Variants in PIAS1 observed in about 807,000 individuals in gnomAD.
PIAS1 encodes protein inhibitor of activated STAT 1.
PIAS1 carries 6 observed loss-of-function variants against 71.3 expected under a neutral mutation model. The ratio of observed to expected loss-of-function variants is 0.08; its 90% confidence interval spans 0.05 to 0.17. The LOEUF is 0.17. Ranked by LOEUF, PIAS1 falls within the 10% of genes least tolerant of loss-of-function variation. The pLI, the probability that PIAS1 is intolerant of heterozygous loss-of-function variation, is 1.00. For missense variants in PIAS1, 555 were observed against 793.6 expected, an observed-to-expected ratio of 0.70 and a Z score of 3.61; for synonymous variants, 303 against 292.9, an observed-to-expected ratio of 1.03 and a Z score of -0.35.
At chr15:68,177,625 C>G (rs1034108958) in intron 11 of PIAS1, among the ~76,000 whole-genome samples, 7 of 152,296 alleles carry the variant, frequency 4.6e-5, no homozygotes, top group Non-Finnish European at 7.4e-5. Flanking sequence ...ATAAAACACC[C>G]TCAGCTAAGC....
At chr15:68,150,468 C>G (rs114920620) in intron 6 of PIAS1, among the ~76,000 whole-genome samples, 2 of 152,120 alleles carry the variant, frequency 1.3e-5, no homozygotes, top group South Asian at 2.1e-4. Context: ...TTTAATTCAG[C>G]TTGTGAAGAT....
At chr15:68,152,010 C>A (rs1396641037) in intron 6 of PIAS1, among the ~76,000 whole-genome samples, 1 of 114,200 alleles carries the variant, frequency 8.8e-6, no homozygotes, top group South Asian at 3.1e-4. Flanking sequence ...AGTGCAGTGG[C>A]GCCATCTTGG....
intron 1 of PIAS1, among the ~76,000 whole-genome samples, chr15:68,071,827 A>C (rs1204686413): frequency 6.6e-6 from 1 of 151,938 alleles, no homozygotes; most frequent in Non-Finnish European, 1.5e-5. Flanking sequence ...GTCAATCTGT[A>C]GTCCCAGCTA....
At chr15:68,111,953 T>C (rs912209704) in intron 2 of PIAS1, among the ~76,000 whole-genome samples, 1 of 152,312 alleles carries the variant, frequency 6.6e-6, no homozygotes. Flanking sequence ...TAGGTGACTT[T>C]TGTATCTTAT....
At position 68,067,338 on chromosome 15, in the gene PIAS1, G is replaced by C. The variant is rs1297183623; in HGVS notation, c.24+12988G>C. On this transcript the variant is annotated intron_variant, in intron 1 of 13. Coordinates refer to ENST00000249636, the MANE Select transcript of PIAS1 (RefSeq NM_016166.3). Reference sequence around the variant, plus strand: ...CCTTTCTTTAGTATTCCCCTCTCTAGGCATTTGTAGGTTGTAGCTTCCTCT... The same window carrying C: ...CCTTTCTTTAGTATTCCCCTCTCTACGCATTTGTAGGTTGTAGCTTCCTCT... 2.0e-5 allele frequency among the ~76,000 whole-genome samples: 3 copies of C among 152,044 alleles called. 1 individual carries two copies. Among genetic ancestry groups the C allele is most frequent in the Non-Finnish European group, 4.4e-5 (3 of 68,014 alleles).
chr15:68,132,717 G>A (rs960852791), intron 2 of PIAS1, among the ~76,000 whole-genome samples: 2 of 152,118 alleles, frequency 1.3e-5, no homozygotes, highest in South Asian at 4.1e-4. Context: ...AATTTGAGTG[G>A]CAAAATAGAG....
chr15:68,178,265 A>G lies in PIAS1; in HGVS notation c.1481+1611A>G, dbSNP rs1368494837. 6.6e-6 allele frequency among the ~76,000 whole-genome samples: 1 copy of G among 152,050 alleles called. No individual in the cohort carries two copies. The highest frequency in any genetic ancestry group is 1.9e-4 in the East Asian group (1 of 5,190). On this transcript the variant is annotated intron_variant, in intron 11 of 13. Coordinates refer to ENST00000249636, the MANE Select transcript of PIAS1 (RefSeq NM_016166.3). This position sits in a 1 kb window ranked among gnomAD's most constrained non-coding sequence, Gnocchi z 4.2. ...AACCTGGGTGACAGAATGAGACCCC[A>G]TCTCAAAAAAAAATAAGATTTCAGT...
intron 1 of PIAS1, among the ~76,000 whole-genome samples, chr15:68,078,261 G>A (rs2092191961): frequency 6.6e-6 from 1 of 152,106 alleles, no homozygotes; most frequent in Admixed American, 6.5e-5. Context: ...ATTGAACATG[G>A]CCTGTAGTTT....
chr15:68,103,801 C>G (rs2092448114), intron 2 of PIAS1, among the ~76,000 whole-genome samples: 1 of 152,072 alleles, frequency 6.6e-6, no homozygotes, highest in African/African-American at 2.4e-5. Flanking sequence ...TTTTAATGGC[C>G]AAGTAATATT....
chr15:68,059,735 G>A (rs1457287099), intron 1 of PIAS1, among the ~76,000 whole-genome samples: 3 of 147,414 alleles, frequency 2.0e-5, no homozygotes, highest in East Asian at 2.0e-4. Context: ...AAAAAAGAAA[G>A]CAATACAAAT....
At chr15:68,149,509 G>A (rs2092831513) in intron 6 of PIAS1, among the ~76,000 whole-genome samples, 1 of 151,894 alleles carries the variant, frequency 6.6e-6, no homozygotes, top group Admixed American at 6.6e-5. Flanking sequence ...AACCATTCTA[G>A]GAACTGTATT....
Position 68,189,336 on chromosome 15 carries a change from A to G in PIAS1, c.*1501A>G, listed in dbSNP as rs1357377023. 6.6e-6 allele frequency: 1 copy of G among 152,198 alleles called. No homozygotes were observed. The highest frequency in any genetic ancestry group is 1.5e-5 in the Non-Finnish European group (1 of 68,026). The allele number at this position is 152,198 out of a possible 1,614,324, so 9.4% of individuals were successfully genotyped here. Reference sequence around the variant, plus strand: ...TGAGAATGCAGGTTTAACAGAAGAGATAAGGGGCATAATGACTGCTGGTTT... The same window carrying G: ...TGAGAATGCAGGTTTAACAGAAGAGGTAAGGGGCATAATGACTGCTGGTTT... On this transcript the variant is annotated 3_prime_UTR_variant, in exon 14 of 14. Transcript: ENST00000249636.
At chr15:68,180,219 C>G (rs2093045525) in intron 11 of PIAS1, among the ~76,000 whole-genome samples, 1 of 152,104 alleles carries the variant, frequency 6.6e-6, no homozygotes, top group African/African-American at 2.4e-5. Flanking sequence ...TCTCATCTAT[C>G]TCCCAAGTAG....
intron 8 of PIAS1, among the ~76,000 whole-genome samples, chr15:68,168,399 G>A (rs1462418896): frequency 6.6e-6 from 1 of 152,136 alleles, no homozygotes; most frequent in Non-Finnish European, 1.5e-5. Flanking sequence ...AAAAATATAA[G>A]TTGGTTAAAA....
intron 2 of PIAS1, among the ~76,000 whole-genome samples, chr15:68,112,679 A>G (rs1394889778): frequency 6.6e-6 from 1 of 152,226 alleles, no homozygotes; most frequent in African/African-American, 2.4e-5. Flanking sequence ...ATTTAAGACA[A>G]TAAGATGTTT....
At position 68,176,514 on chromosome 15, in the gene PIAS1, C is replaced by A. The variant is rs2093021156; in HGVS notation, c.1341C>A (p.His447Gln). ...CATTGGAGCATCAGGTAGCGTCTCA[C>A]CACCAGTCCTCAAATAAAAACAAGA... ...SSTLEHQVAS[H>Q]HQSSNKNKKV... The change falls in exon 11 of 14, where the codon CAC (histidine) becomes CAA (glutamine). Residue 447 changes from histidine (H) to glutamine (Q), a missense_variant. By Grantham distance (24) the His-to-Gln change is conservative. Coordinates refer to ENST00000249636, the MANE Select transcript of PIAS1 (RefSeq NM_016166.3). 6.2e-7 allele frequency: 1 copy of A among 1,611,330 alleles called. No individual in the cohort carries two copies. The highest frequency in any genetic ancestry group is 1.3e-5 in the African/African-American group (1 of 74,800).
chr15:68,079,943 C>G (rs187618914), intron 1 of PIAS1, among the ~76,000 whole-genome samples: 10 of 152,292 alleles, frequency 6.6e-5, no homozygotes, highest in South Asian at 2.1e-4. Context: ...AGCGATTCTC[C>G]TGCCTCAGCC....
rs2093079773 is a variant in PIAS1, at chr15:68,185,158, A to C, written c.1662+1491A>C. ...CCTCTTTGATCCAACCAATGAATCA[A>C]GGAGTTGTAGCAGTTTTTAAGGCCT... On this transcript the variant is annotated intron_variant, in intron 13 of 13. Coordinates refer to ENST00000249636, the MANE Select transcript of PIAS1 (RefSeq NM_016166.3). This position sits in a 1 kb window ranked among gnomAD's most constrained non-coding sequence, Gnocchi z 4.4. 1 of 152,204 alleles carries C rather than the reference A, an allele frequency of 6.6e-6. No homozygotes were observed. Among genetic ancestry groups the C allele is most frequent in the African/African-American group, 2.4e-5 (1 of 41,444 alleles). The allele number at this position is 152,204 out of a possible 1,614,324, so 9.4% of individuals were successfully genotyped here. A position where few individuals can be genotyped will look rare whatever the true frequency, so the allele number is the denominator to read the frequency against.
intron 1 of PIAS1, among the ~76,000 whole-genome samples, chr15:68,071,978 T>C (rs1281670609): frequency 6.6e-6 from 1 of 151,260 alleles, no homozygotes; most frequent in African/African-American, 2.4e-5. Flanking sequence ...AGGTGATTAC[T>C]GGGATATTCT....
Sources: allele counts gnomAD v4.1 joint callset (sites outside exome capture counted in the v4.1 genomes callset), GRCh38; gene constraint gnomAD v4.1.1; non-coding constraint Gnocchi (gnomAD v3.1); transcripts MANE v1.5; gene names NCBI Gene and HGNC (gene_info 2026-07-23, HGNC 2026-07-21).